The following INTS4 variants were observed in gnomAD, a reference collection of about 807,000 sequenced individuals.
INTS4 encodes the protein MSTP093.
A neutral mutation model predicts 119.5 loss-of-function variants in INTS4; 70 were observed. The observed-to-expected ratio is 0.59, with a 90% CI of 0.48 to 0.71. The LOEUF (loss-of-function observed/expected upper bound fraction) is 0.71, where lower values mean the gene tolerates loss of function less well. INTS4 is among the 30% of genes least tolerant of loss of function. INTS4 has a pLI of 0.00. For synonymous variants in INTS4, 316 were observed against 419.6 expected, an observed-to-expected ratio of 0.75 and a Z score of 3.02; for missense variants, 867 against 1,173.2, an observed-to-expected ratio of 0.74 and a Z score of 3.81.
intron 17 of INTS4, among the ~76,000 whole-genome samples, chr11:77,902,394 G>A (rs906140271): frequency 1.3e-5 from 2 of 152,020 alleles, no homozygotes; most frequent in Admixed American, 1.3e-4. Context: ...CAATTATCGG[G>A]TTCTAGTCAT....
chr11:77,990,514 C>T (rs967003371), intron 2 of INTS4, among the ~76,000 whole-genome samples: 1 of 151,864 alleles, frequency 6.6e-6, no homozygotes, highest in African/African-American at 2.4e-5. Context: ...GGCAAAACCC[C>T]GTCTCTACTA....
At chr11:77,990,269 C>A (rs1439645186) in intron 2 of INTS4, among the ~76,000 whole-genome samples, 3 of 150,640 alleles carry the variant, frequency 2.0e-5, no homozygotes, top group Non-Finnish European at 2.9e-5. Flanking sequence ...GGCACGTCTG[C>A]AGTCCCACCT....
chr11:77,916,270 A>G (rs1953202520), intron 15 of INTS4, among the ~76,000 whole-genome samples: 1 of 152,196 alleles, frequency 6.6e-6, no homozygotes, highest in Admixed American at 6.5e-5. Flanking sequence ...TCTCACAAAC[A>G]TCATAGAGTA....
chr11:77,926,625 G>A (rs1286228830), intron 11 of INTS4, among the ~76,000 whole-genome samples: 1 of 151,586 alleles, frequency 6.6e-6, no homozygotes, highest in African/African-American at 2.4e-5. Context: ...TGGCCAATAT[G>A]GTGAAACACG....
rs190638711 is a variant in INTS4 at position 77,967,377 on chromosome 11, C to G, written c.472-6239G>C. Among the ~76,000 whole-genome samples the G allele has an allele frequency of 2.8e-4, 42 of 152,166 alleles. No individual in the cohort carries two copies. The East Asian group carries it at 7.7e-3, about 28-fold the overall frequency. On this transcript the variant is annotated intron_variant, in intron 4 of 22. Coordinates refer to ENST00000534064, the MANE Select transcript of INTS4 (RefSeq NM_033547.4). The stretch of plus-strand genomic sequence containing the variant: ...AGTTGTCTTTAAGCCAGTTAAAGAG[C>G]CTTCACTAGGAACTGAATTTGCCAG...
intron 21 of INTS4, among the ~76,000 whole-genome samples, chr11:77,885,368 C>T (rs1181905708): frequency 2.0e-5 from 3 of 152,068 alleles, no homozygotes; most frequent in African/African-American, 7.2e-5. Context: ...TGAGCCACCA[C>T]ACCTGGCCTA....
intron 18 of INTS4, among the ~76,000 whole-genome samples, chr11:77,896,808 G>GA (rs557401311): frequency 1.2e-3 from 164 of 142,580 alleles, no homozygotes; most frequent in Non-Finnish European, 2.0e-3. Context: ...AATAATGGAG[G>GA]AAAAAAAAAA....
At chr11:77,920,214 T>C (rs1591056821) in intron 14 of INTS4, among the ~76,000 whole-genome samples, 1 of 131,522 alleles carries the variant, frequency 7.6e-6, no homozygotes, top group African/African-American at 3.1e-5. Context: ...TACACACATA[T>C]ATATACACAT....
Position 77,969,799 on chromosome 11 carries a change from C to G in INTS4, c.472-8661G>C, listed in dbSNP as rs73501841. On this transcript the variant is annotated intron_variant, in intron 4 of 22. Coordinates refer to ENST00000534064, the MANE Select transcript of INTS4 (RefSeq NM_033547.4). ...AAAAAAGCCATTCTGTACCCTTTAGCTATCAACCTCCTATCTCTCTGTTCG... is the reference window on the plus strand; with the variant it reads ...AAAAAAGCCATTCTGTACCCTTTAGGTATCAACCTCCTATCTCTCTGTTCG... Among the ~76,000 whole-genome samples, 692 of 151,090 alleles carry G rather than the reference C, an allele frequency of 4.6e-3. 9 individuals carry two copies. The highest frequency in any genetic ancestry group is 0.016 in the African/African-American group (645 of 41,180).
At chr11:77,977,226 C>T (rs1304210186) in intron 4 of INTS4, among the ~76,000 whole-genome samples, 1 of 151,546 alleles carries the variant, frequency 6.6e-6, no homozygotes, top group Non-Finnish European at 1.5e-5. Context: ...AACAATATGC[C>T]CTGCAGTATT....
chr11:77,888,187 C>G (rs1952101386), intron 21 of INTS4, among the ~76,000 whole-genome samples: 1 of 152,194 alleles, frequency 6.6e-6, no homozygotes, highest in Non-Finnish European at 1.5e-5. Flanking sequence ...TACAAGCCTA[C>G]AGTAACCAGA....
At chr11:77,937,858 T>TA in intron 10 of INTS4, among the ~76,000 whole-genome samples, 1 of 150,276 alleles carries the variant, frequency 6.7e-6, no homozygotes, top group Non-Finnish European at 1.5e-5. Context: ...TTTATTTATT[T>TA]TTTGAGACAG....
At chr11:77,889,838 T>C (rs1404514819) in intron 21 of INTS4, among the ~76,000 whole-genome samples, 1 of 152,160 alleles carries the variant, frequency 6.6e-6, no homozygotes, top group African/African-American at 2.4e-5. Context: ...TTGCGTGTGG[T>C]AGAGGTGCTA....
chr11:77,935,346 C>T (rs1306356318), intron 10 of INTS4, among the ~76,000 whole-genome samples: 2 of 152,158 alleles, frequency 1.3e-5, no homozygotes, highest in African/African-American at 2.4e-5. Context: ...TCTTCTCTCC[C>T]TGAGTTGAGA....
chr11:77,921,238 C>A (rs1953353578), intron 14 of INTS4, 102 bp downstream of exon 14: 2 of 1,230,488 alleles, frequency 1.6e-6, no homozygotes. Flanking sequence ...TGAGACCGCC[C>A]TGGGCAACAT....
intron 2 of INTS4, among the ~76,000 whole-genome samples, chr11:77,989,715 C>T (rs1856590410): frequency 1.3e-5 from 2 of 150,562 alleles, no homozygotes; most frequent in Non-Finnish European, 3.0e-5. Context: ...CATAGCAAAG[C>T]CCTGTCTCTA....
chr11:77,963,779 G>A (rs1238814385), intron 4 of INTS4, among the ~76,000 whole-genome samples: 1 of 152,034 alleles, frequency 6.6e-6, no homozygotes, highest in East Asian at 1.9e-4. Context: ...GGCCTGACAA[G>A]CTCAAGAGAT....
intron 4 of INTS4, among the ~76,000 whole-genome samples, chr11:77,974,890 G>A (rs72941332): frequency 0.15 from 23,467 of 152,030 alleles, 2,143 homozygotes; most frequent in Middle Eastern, 0.21. Flanking sequence ...ATAAGCCACC[G>A]CCCTCGACAG....
chr11:77,886,337 T>C (rs1392984020), intron 21 of INTS4, among the ~76,000 whole-genome samples: 1 of 152,204 alleles, frequency 6.6e-6, no homozygotes, highest in Non-Finnish European at 1.5e-5. Context: ...TAGAAACCTG[T>C]GGCCCAAGTA....
Sources: allele counts gnomAD v4.1 joint callset (sites outside exome capture counted in the v4.1 genomes callset), GRCh38; gene constraint gnomAD v4.1.1; transcripts MANE v1.5; gene names NCBI Gene and HGNC (gene_info 2026-07-23, HGNC 2026-07-21).